TXNDC16: variants seen among roughly 807,000 people sequenced by gnomAD.
TXNDC16 encodes the protein thioredoxin domain containing 16, also known as thioredoxin domain-containing protein 16.
In TXNDC16, 74 loss-of-function variants were observed where a neutral mutation model predicts 85.6. The ratio of observed to expected loss-of-function variants is 0.86; its 90% CI spans 0.72 to 1.05. TXNDC16 has a LOEUF of 1.05. Ranked by LOEUF, TXNDC16 falls within the 50% of genes least tolerant of loss-of-function variation. The pLI is 0.00. For missense variants in TXNDC16, 959 were observed against 947.0 expected (o/e 1.01, Z -0.17); for synonymous variants, 335 against 326.5 (o/e 1.03, Z -0.28).
At chr14:52,472,526 C>A (rs2035931551) in intron 14 of TXNDC16, among the ~76,000 whole-genome samples, 1 of 152,178 alleles carries the variant, frequency 6.6e-6, no homozygotes, top group Non-Finnish European at 1.5e-5. Context: ...CTATATCCCA[C>A]TGCCTTGCAC....
At chr14:52,546,064 T>C (rs1212790657) in intron 1 of TXNDC16, among the ~76,000 whole-genome samples, 1 of 151,934 alleles carries the variant, frequency 6.6e-6, no homozygotes, top group African/African-American at 2.4e-5. Context: ...GGCAGGAAGA[T>C]CACTTGAGCC....
Position 52,491,015 on chromosome 14 carries a change from A to T in TXNDC16, c.757-10T>A. 22 of 703,556 alleles carry T rather than the reference A, an allele frequency of 3.1e-5. No homozygotes were observed. The highest frequency in any genetic ancestry group is 2.2e-4 in the East Asian group (3 of 13,578). 43.6% of individuals were successfully genotyped at this position (703,556 alleles called of 1,614,324 possible). ...CTTCAGCAACTTCAGTCTTCATTGA[A>T]AAAAAAAAAAAAAAAAGGTGTGATA... On this transcript the variant is annotated splice_polypyrimidine_tract_variant and intron_variant, in intron 9 of 20. Transcript: ENST00000281741.
At chr14:52,449,621 A>T (rs2035361936) in intron 18 of TXNDC16, among the ~76,000 whole-genome samples, 1 of 152,122 alleles carries the variant, frequency 6.6e-6, no homozygotes, top group South Asian at 2.1e-4. Context: ...TTTACAGAAC[A>T]TCTCATTCAA....
intron 5 of TXNDC16, among the ~76,000 whole-genome samples, chr14:52,537,070 T>TCACACACA (rs58583503): frequency 0.022 from 3,238 of 147,308 alleles, 69 homozygotes; most frequent in African/African-American, 0.05. Context: ...CAACTCACAA[T>TCACACACA]CACACACACA....
At position 52,454,848 on chromosome 14, in the gene TXNDC16, G is replaced by T. The variant is rs56098069; in HGVS notation, c.1842+476C>A. Among the ~76,000 whole-genome samples, 505 of 152,190 alleles carry T rather than the reference G, an allele frequency of 3.3e-3. 3 individuals carry two copies. Among genetic ancestry groups the T allele is most frequent in the African/African-American group, 0.012 (478 of 41,538 alleles). On this transcript the variant is annotated intron_variant, in intron 18 of 20. Transcript: ENST00000281741. ...GTAATAAGAATAGTAACTAACATTT[G>T]TTGGATGCTTACCATGGACTAAATA...
intron 9 of TXNDC16, among the ~76,000 whole-genome samples, chr14:52,508,446 G>A (rs1354823239): frequency 1.3e-5 from 2 of 152,158 alleles, no homozygotes; most frequent in Non-Finnish European, 2.9e-5. Context: ...GAAGAAATAG[G>A]AACACTTTTA....
chr14:52,439,324 C>A lies in TXNDC16; in HGVS notation c.2074G>T (p.Val692Phe), dbSNP rs61740050. 6.2e-7 allele frequency: 1 copy of A among 1,614,004 alleles called. No homozygotes were observed. The highest frequency in any genetic ancestry group is 1.7e-5 in the Admixed American group (1 of 59,988). Reference protein sequence around the residue: ...FDPLPPLPLLVLVNLHSGGQV... With the variant: ...FDPLPPLPLLFLVNLHSGGQV... ...CCACCTGAATGCAGATTCACCAAAA[C>A]AAGAAGAGGAAGGGGAGGCAGAGGA... Residue 692 changes from valine (V) to phenylalanine (F), a missense_variant, in exon 20 of 21, where the codon GTT becomes TTT. Val to Phe is a conservative substitution (Grantham distance 50). Transcript: ENST00000281741.
chr14:52,454,425 T>TAA (rs535276734), intron 18 of TXNDC16, among the ~76,000 whole-genome samples: 111 of 120,182 alleles, frequency 9.2e-4, no homozygotes, highest in Middle Eastern at 4.3e-3. Flanking sequence ...AAACTCTGTC[T>TAA]AAAAAAAAAA....
intron 9 of TXNDC16, among the ~76,000 whole-genome samples, chr14:52,501,012 C>T (rs1328868613): frequency 6.6e-6 from 1 of 152,042 alleles, no homozygotes; most frequent in Admixed American, 6.6e-5. Context: ...TGGTATTTGC[C>T]AACAGGACAA....
At chr14:52,469,018 A>G (rs1230864267) in intron 16 of TXNDC16, among the ~76,000 whole-genome samples, 1 of 151,450 alleles carries the variant, frequency 6.6e-6, no homozygotes, top group African/African-American at 2.4e-5. Context: ...ATACAGAAGG[A>G]AAAAAAAAGG....
chr14:52,503,738 G>A (rs1209037956), intron 9 of TXNDC16, among the ~76,000 whole-genome samples: 1 of 152,222 alleles, frequency 6.6e-6, no homozygotes, highest in Non-Finnish European at 1.5e-5. Flanking sequence ...TGACTTTCAT[G>A]AGTTGAGAGA....
At chr14:52,508,296 C>G (rs141714673) in intron 9 of TXNDC16, among the ~76,000 whole-genome samples, 14,709 of 152,130 alleles carry the variant, frequency 0.097, 828 homozygotes, top group East Asian at 0.18. Flanking sequence ...ATTTATGCAG[C>G]CAAAAGACAC....
intron 6 of TXNDC16, among the ~76,000 whole-genome samples, chr14:52,520,390 G>A (rs1034176285): frequency 2.0e-5 from 3 of 152,142 alleles, no homozygotes; most frequent in Non-Finnish European, 4.4e-5. Flanking sequence ...TTGGGAGGCC[G>A]AGGCGGGCGG....
chr14:52,531,898 G>A (rs1210096123), intron 6 of TXNDC16, among the ~76,000 whole-genome samples: 1 of 152,072 alleles, frequency 6.6e-6, no homozygotes. Context: ...ATATAAAGGA[G>A]GAGATATACT....
intron 6 of TXNDC16, among the ~76,000 whole-genome samples, chr14:52,532,298 T>G (rs533052312): frequency 2.0e-5 from 3 of 152,204 alleles, no homozygotes; most frequent in South Asian, 2.1e-4. Flanking sequence ...GTTAGGAGTT[T>G]GAGGCCACAG....
chr14:52,473,524 C>T (rs1430668252), intron 14 of TXNDC16, among the ~76,000 whole-genome samples: 1 of 151,998 alleles, frequency 6.6e-6, no homozygotes, highest in African/African-American at 2.4e-5. Flanking sequence ...TCTTTAAAAC[C>T]AGAAAAGTAA....
chr14:52,530,557 T>A (rs1288229664), intron 6 of TXNDC16, among the ~76,000 whole-genome samples: 6 of 50,840 alleles, frequency 1.2e-4, no homozygotes, highest in African/African-American at 4.3e-4. Flanking sequence ...AATTATATAA[T>A]ATTATATATA....
chr14:52,526,264 T>C (rs8007324), intron 6 of TXNDC16, among the ~76,000 whole-genome samples: 77,807 of 152,010 alleles, frequency 0.51, 20,888 homozygotes, highest in East Asian at 0.7. Flanking sequence ...TCATTTATTT[T>C]ACAAAGTGGT....
chr14:52,480,728 T>C (rs2036124731), intron 14 of TXNDC16, among the ~76,000 whole-genome samples: 1 of 151,992 alleles, frequency 6.6e-6, no homozygotes, highest in African/African-American at 2.4e-5. Flanking sequence ...CTGGTGGGAA[T>C]GTAAACTAGT....
Sources: allele counts gnomAD v4.1 joint callset (sites outside exome capture counted in the v4.1 genomes callset), GRCh38; gene constraint gnomAD v4.1.1; transcripts MANE v1.5; gene names NCBI Gene and HGNC (gene_info 2026-07-23, HGNC 2026-07-21).